The following BNC2 variants were observed in gnomAD, a reference collection of about 807,000 sequenced individuals.
The protein encoded by BNC2 is basonuclin zinc finger protein 2, also known as zinc finger protein basonuclin-2.
Under a neutral mutation model 76.3 loss-of-function variants are expected in BNC2, and 20 were observed. The observed-to-expected ratio is 0.26, with a 90% CI of 0.18 to 0.38. The LOEUF (loss-of-function observed/expected upper bound fraction) is 0.38. Ranked by LOEUF, BNC2 falls within the 10% of genes least tolerant of loss-of-function variation. The probability of loss-of-function intolerance (pLI) is 1.00; values close to 1 mark genes in which losing one functional copy is unlikely to be tolerated. For missense variants in BNC2, 1,382 were observed against 1,399.8 expected (o/e 0.99, Z 0.20); for synonymous variants, 582 against 514.8 (o/e 1.13, Z -1.77).
At chr9:16,638,191 G>A (rs374257310) in intron 3 of BNC2, among the ~76,000 whole-genome samples, 15 of 152,162 alleles carry the variant, frequency 9.9e-5, no homozygotes, top group Admixed American at 7.9e-4. Flanking sequence ...AGGTTGAGCC[G>A]TCTACAGAAA....
At chr9:16,587,034 C>G (rs1310186452) in intron 3 of BNC2, among the ~76,000 whole-genome samples, 3 of 152,100 alleles carry the variant, frequency 2.0e-5, no homozygotes, top group Non-Finnish European at 4.4e-5. Context: ...CAAACATCAG[C>G]ATTCTTAGTT....
chr9:16,517,384 C>T (rs1304156870), intron 5 of BNC2, among the ~76,000 whole-genome samples: 1 of 152,112 alleles, frequency 6.6e-6, no homozygotes, highest in African/African-American at 2.4e-5. Context: ...GCATTCACTG[C>T]AATATTTGCC....
At chr9:16,669,624 T>C (rs1443239327) in intron 3 of BNC2, among the ~76,000 whole-genome samples, 2 of 152,190 alleles carry the variant, frequency 1.3e-5, no homozygotes, top group East Asian at 1.9e-4. Flanking sequence ...CAATAACTTA[T>C]TGAGGGAATT....
At chr9:16,441,557 CT>C (rs759840676) in intron 5 of BNC2, among the ~76,000 whole-genome samples, 16 of 152,132 alleles carry the variant, frequency 1.1e-4, no homozygotes, top group Non-Finnish European at 2.2e-4. Context: ...TGGTTTGGTG[CT>C]TTGATTCTGA....
At chr9:16,729,203 T>C (rs759511452) in intron 2 of BNC2, among the ~76,000 whole-genome samples, 2 of 152,192 alleles carry the variant, frequency 1.3e-5, no homozygotes, top group African/African-American at 2.4e-5. Context: ...CAAAATGCAC[T>C]GTACATAAAC....
At chr9:16,627,498 A>G (rs909523951) in intron 3 of BNC2, among the ~76,000 whole-genome samples, 5 of 152,318 alleles carry the variant, frequency 3.3e-5, no homozygotes, top group South Asian at 2.1e-4. Context: ...GGCTCACACC[A>G]GCAGTTCTGC....
At chr9:16,541,567 T>G (rs1320726435) in intron 5 of BNC2, among the ~76,000 whole-genome samples, 2 of 152,220 alleles carry the variant, frequency 1.3e-5, no homozygotes, top group African/African-American at 2.4e-5. Context: ...CAGAGACAAG[T>G]AGCTCTTAAT....
rs1363652457 is a variant in BNC2 at position 16,777,495 on chromosome 9, T to C, written c.4-39010A>G. ...GCAGGCAGATCACGAGGTCAGGAGATCGAGACCATCCTGGCTTACACAGTG... is the reference window on the plus strand; with the variant it reads ...GCAGGCAGATCACGAGGTCAGGAGACCGAGACCATCCTGGCTTACACAGTG... On this transcript the variant is annotated intron_variant, in intron 1 of 6. Transcript: ENST00000380672. Among the ~76,000 whole-genome samples the C allele has an allele frequency of 2.0e-5, 3 of 151,986 alleles. No homozygotes were observed. The East Asian group carries it at 5.8e-4, about 30-fold the overall frequency.
chr9:16,811,493 G>C (rs566948067), intron 1 of BNC2, among the ~76,000 whole-genome samples: 2 of 144,212 alleles, frequency 1.4e-5, no homozygotes, highest in South Asian at 4.4e-4. Flanking sequence ...CGGAGGTTGC[G>C]GTGAGCCGAG....
intron 5 of BNC2, among the ~76,000 whole-genome samples, chr9:16,471,545 G>T (rs1039630603): frequency 3.3e-5 from 5 of 152,092 alleles, no homozygotes; most frequent in African/African-American, 1.2e-4. Context: ...GCCCGCCTTG[G>T]CCACCCAAAG....
Position 16,727,785 on chromosome 9 carries a change from A to T in BNC2, c.330+12T>A. On this transcript the variant is annotated intron_variant, in intron 3 of 6. Transcript: ENST00000380672. ...AAAAAGAAAAAAAAAATCAAGAAAG[A>T]AAGTAACTTACCTGTTGGGACATTC... 1.2e-6 allele frequency: 2 copies of T among 1,603,422 alleles called. No homozygotes were observed. Among genetic ancestry groups the T allele is most frequent in the Non-Finnish European group, 1.7e-6 (2 of 1,176,128 alleles).
chr9:16,654,287 T>C (rs1038464864), intron 3 of BNC2, among the ~76,000 whole-genome samples: 13 of 152,194 alleles, frequency 8.5e-5, no homozygotes, highest in African/African-American at 3.1e-4. Flanking sequence ...TCTTGCTCAT[T>C]TTCATTCTAA....
chr9:16,654,482 T>C (rs1416518728), intron 3 of BNC2, among the ~76,000 whole-genome samples: 1 of 152,202 alleles, frequency 6.6e-6, no homozygotes, highest in African/African-American at 2.4e-5. Flanking sequence ...CAAATCCTCC[T>C]GAAACAGACC....
chr9:16,773,046 T>C (rs557561407), intron 1 of BNC2, among the ~76,000 whole-genome samples: 3 of 152,318 alleles, frequency 2.0e-5, no homozygotes, highest in Non-Finnish European at 2.9e-5. Context: ...GAGACTACTG[T>C]GTCTATAGTG....
chr9:16,718,277 G>C (rs1466177606), intron 3 of BNC2, among the ~76,000 whole-genome samples: 1 of 152,168 alleles, frequency 6.6e-6, no homozygotes, highest in East Asian at 1.9e-4. Context: ...TGCCCGGCTG[G>C]CTACTGAAAC....
intron 5 of BNC2, among the ~76,000 whole-genome samples, chr9:16,458,252 A>G (rs554413070): frequency 3.3e-5 from 5 of 152,350 alleles, no homozygotes; most frequent in African/African-American, 1.2e-4. Context: ...AGCAGCCATC[A>G]AATGAGTATT....
In BNC2 at chr9:16,410,800, T is replaced by C. The variant is rs1346116070; in HGVS notation, c.*8189A>G. ...AGTCAGAGGAGATTAAGATACACAA[T>C]GAGAGGAATGGATTACTCTGTACAA... On this transcript the variant is annotated 3_prime_UTR_variant, in exon 7 of 7. Coordinates refer to ENST00000380672, the MANE Select transcript of BNC2 (RefSeq NM_017637.6). The C allele has an allele frequency of 2.0e-5, 3 of 152,072 alleles. No homozygotes were observed. Among genetic ancestry groups the C allele is most frequent in the Non-Finnish European group, 4.4e-5 (3 of 68,032 alleles). The allele number at this position is 152,072 out of a possible 1,614,324, so 9.4% of individuals were successfully genotyped here. A position where few individuals can be genotyped will look rare whatever the true frequency, so the allele number is the denominator to read the frequency against.
intron 1 of BNC2, among the ~76,000 whole-genome samples, chr9:16,841,678 C>T (rs1818830089): frequency 6.6e-6 from 1 of 151,892 alleles, no homozygotes; most frequent in African/African-American, 2.4e-5. Context: ...TGTTTAAACA[C>T]TTAAAACGTG....
At chr9:16,628,199 G>C (rs1227584298) in intron 3 of BNC2, among the ~76,000 whole-genome samples, 1 of 152,172 alleles carries the variant, frequency 6.6e-6, no homozygotes, top group Non-Finnish European at 1.5e-5. Flanking sequence ...GACCAGCTTA[G>C]AACAAGCCGG....
Sources: gnomAD v4.1 joint callset for allele counts (sites outside exome capture counted in the v4.1 genomes callset) on GRCh38, gnomAD v4.1.1 for gene constraint, MANE v1.5 for transcripts, NCBI Gene and HGNC (gene_info 2026-07-23, HGNC 2026-07-21) for gene names.